CLASP1: variants seen among roughly 807,000 people sequenced by gnomAD.
The protein encoded by CLASP1 is cytoplasmic linker associated protein 1.
Under a neutral mutation model 192.3 loss-of-function variants are expected in CLASP1, and 38 were observed. The observed-to-expected ratio is 0.20, with a 90% CI of 0.15 to 0.26. The LOEUF (loss-of-function observed/expected upper bound fraction) is 0.26. Ranked by LOEUF, CLASP1 falls within the 10% of genes least tolerant of loss-of-function variation. The pLI is 1.00. For missense variants in CLASP1, 1,433 were observed against 1,932.5 expected (o/e 0.74, Z 4.85); for synonymous variants, 691 against 712.8 (o/e 0.97, Z 0.49).
At chr2:121,579,888 T>G (rs1232522554) in intron 2 of CLASP1, among the ~76,000 whole-genome samples, 1 of 152,184 alleles carries the variant, frequency 6.6e-6, no homozygotes, top group Non-Finnish European at 1.5e-5. Context: ...ATGTAAAAAG[T>G]AGTAAATGAA....
At chr2:121,514,373 C>G (rs2094227379) in intron 7 of CLASP1, among the ~76,000 whole-genome samples, 1 of 152,170 alleles carries the variant, frequency 6.6e-6, no homozygotes, top group Non-Finnish European at 1.5e-5. Context: ...GATATCATGC[C>G]TTCCCTGATC....
rs552126346 is a variant in CLASP1, at chr2:121,394,093, C to T, written c.3123+3047G>A. 3.7e-4 allele frequency among the ~76,000 whole-genome samples: 56 copies of T among 152,244 alleles called. No homozygotes were observed. The South Asian group carries it at 9.1e-3, about 25-fold the overall frequency. On this transcript the variant is annotated intron_variant, in intron 30 of 39. Transcript: ENST00000263710. ...AGACGGCCCCTAAGATTCCCCATAA[C>T]GTATTACACCCTATATAACCTCTCC...
Position 121,449,179 on chromosome 2 carries a change from A to C in CLASP1, c.1524-59T>G, listed in dbSNP as rs545219970. 20 of 1,470,602 alleles carry C rather than the reference A, an allele frequency of 1.4e-5. 1 individual carries two copies. In the South Asian group the frequency reaches 2.2e-4, roughly 16 times the overall value. The allele number at this position is 1,470,602 out of a possible 1,614,324, so 91.1% of individuals were successfully genotyped here. A position where few individuals can be genotyped will look rare whatever the true frequency, so the allele number is the denominator to read the frequency against. On this transcript the variant is annotated intron_variant, in intron 16 of 39. Coordinates refer to ENST00000263710, the Ensembl canonical transcript of CLASP1. Reference sequence around the variant, plus strand: ...AAGGATCCAAACAGGTCTTTTGCTGAACTCTGGAGTACACCACAGAAGATT... The same window carrying C: ...AAGGATCCAAACAGGTCTTTTGCTGCACTCTGGAGTACACCACAGAAGATT...
At chr2:121,359,617 A>C (rs969955710) in intron 37 of CLASP1, among the ~76,000 whole-genome samples, 2 of 152,232 alleles carry the variant, frequency 1.3e-5, no homozygotes, top group African/African-American at 4.8e-5. Flanking sequence ...GTATTTGCTA[A>C]ATGCCAACTC....
chr2:121,579,622 T>A (rs886797745), intron 2 of CLASP1, among the ~76,000 whole-genome samples: 1 of 152,184 alleles, frequency 6.6e-6, no homozygotes, highest in African/African-American at 2.4e-5. Context: ...GTTTGTAATA[T>A]ACAAAGAACA....
intron 22 of CLASP1, among the ~76,000 whole-genome samples, 197 bp downstream of exon 22, chr2:121,424,942 T>C (rs764177834): frequency 6.6e-6 from 1 of 152,130 alleles, no homozygotes; most frequent in Non-Finnish European, 1.5e-5. Flanking sequence ...TCCCATCAAT[T>C]TGAAGGGTTA....
chr2:121,550,593 T>C (rs890560826), intron 2 of CLASP1, among the ~76,000 whole-genome samples: 19 of 151,770 alleles, frequency 1.3e-4, no homozygotes, highest in Admixed American at 2.0e-4. Flanking sequence ...ATAAAAACCA[T>C]CAGAAACTAC....
intron 19 of CLASP1, among the ~76,000 whole-genome samples, chr2:121,435,394 C>T (rs1211392144): frequency 1.3e-5 from 2 of 152,152 alleles, no homozygotes; most frequent in Non-Finnish European, 2.9e-5. Flanking sequence ...CCTGCCTCAG[C>T]CTCCCGAGTA....
intron 23 of CLASP1, among the ~76,000 whole-genome samples, chr2:121,416,578 C>A (rs2078620136): frequency 6.6e-6 from 1 of 152,096 alleles, no homozygotes; most frequent in Non-Finnish European, 1.5e-5. Flanking sequence ...AGGACAACAA[C>A]CTTCTGGGAT....
At chr2:121,387,989 T>C in intron 30 of CLASP1, 83 bp from the exon 32 acceptor site, 1 of 1,120,802 alleles carries the variant, frequency 8.9e-7, no homozygotes, top group Non-Finnish European at 1.3e-6. Flanking sequence ...AAAAATATTT[T>C]ATAAGTAAAA....
At chr2:121,363,954 C>T (rs534923089) in intron 36 of CLASP1, among the ~76,000 whole-genome samples, 1 of 152,308 alleles carries the variant, frequency 6.6e-6, no homozygotes, top group Admixed American at 6.5e-5. Flanking sequence ...CTCATCTGTA[C>T]AGTTCACACA....
At chr2:121,644,075 T>C (rs2072660916) in intron 1 of CLASP1, among the ~76,000 whole-genome samples, 1 of 152,170 alleles carries the variant, frequency 6.6e-6, no homozygotes, top group Admixed American at 6.6e-5. Context: ...CTCAACACTT[T>C]ACACGTATTA....
intron 22 of CLASP1, among the ~76,000 whole-genome samples, chr2:121,421,041 AAACT>A (rs1367656088): frequency 6.6e-6 from 1 of 152,204 alleles, no homozygotes; most frequent in African/African-American, 2.4e-5. Context: ...AGTATAGAGA[AAACT>A]AATTGTCCGT....
chr2:121,398,280 G>A (rs1403306025), intron 29 of CLASP1, 42 bp downstream of exon 30: 7 of 1,415,308 alleles, frequency 4.9e-6, no homozygotes, highest in African/African-American at 2.8e-5. Flanking sequence ...TTAAACAAAT[G>A]TGAGTTCCAG....
chr2:121,593,403 T>G (rs954771108), intron 2 of CLASP1, among the ~76,000 whole-genome samples: 6 of 152,044 alleles, frequency 3.9e-5, no homozygotes, highest in African/African-American at 1.4e-4. Context: ...GTGGATCACC[T>G]GAGGTCAGGA....
chr2:121,584,031 C>T (rs1451963878), intron 2 of CLASP1, among the ~76,000 whole-genome samples: 1 of 152,092 alleles, frequency 6.6e-6, no homozygotes, highest in African/African-American at 2.4e-5. Context: ...ATCCTGGTAG[C>T]CAAGACCAGG....
At chr2:121,494,256 T>A (rs1389551663) in intron 8 of CLASP1, among the ~76,000 whole-genome samples, 1 of 152,242 alleles carries the variant, frequency 6.6e-6, no homozygotes, top group Non-Finnish European at 1.5e-5. Context: ...CACAATGCAG[T>A]ACTATTCAGC....
chr2:121,338,005 C>G (rs2062479149), exon 40 of CLASP1: 1 of 152,388 alleles, frequency 6.6e-6, no homozygotes, highest in Admixed American at 6.6e-5. Flanking sequence ...GTGTGGGGAC[C>G]ATGCGTGTGA....
intron 2 of CLASP1, among the ~76,000 whole-genome samples, chr2:121,604,021 G>C (rs1306246070): frequency 2.0e-5 from 3 of 152,180 alleles, no homozygotes; most frequent in Admixed American, 6.5e-5. Flanking sequence ...AGGATGACTA[G>C]AGTTAATAGT....
Sources: gnomAD v4.1 joint callset for allele counts (sites outside exome capture counted in the v4.1 genomes callset) on GRCh38, gnomAD v4.1.1 for gene constraint, MANE v1.5 for transcripts, NCBI Gene and HGNC (gene_info 2026-07-23, HGNC 2026-07-21) for gene names.